Variants in ALK observed in about 807,000 individuals in gnomAD.
ALK encodes the protein ALK tyrosine kinase receptor.
In ALK, 74 loss-of-function variants were observed where a neutral mutation model predicts 163.1. That is an observed-to-expected ratio of 0.45 (90% CI 0.38 to 0.55). ALK has a LOEUF of 0.55. Among genes scored for constraint, ALK ranks in the 20% least tolerant of loss-of-function variants. The pLI is 0.00. For synonymous variants in ALK, 960 were observed against 843.2 expected, an observed-to-expected ratio of 1.14 and a Z score of -2.40; for missense variants, 2,063 against 2,105.3, an observed-to-expected ratio of 0.98 and a Z score of 0.39.
intron 26 of ALK, among the ~76,000 whole-genome samples, chr2:29,200,770 T>TATATATAC (rs1669149492): frequency 1.1e-5 from 1 of 94,402 alleles, no homozygotes; most frequent in African/African-American, 4.2e-5. Context: ...TGTATATATA[T>TATATATAC]ACGTATATAT....
intron 1 of ALK, among the ~76,000 whole-genome samples, chr2:29,802,814 G>T (rs566027471): frequency 1.3e-4 from 19 of 149,278 alleles, no homozygotes; most frequent in South Asian, 1.1e-3. Flanking sequence ...ATCAGTTGTG[G>T]TTTATAATAA....
intron 4 of ALK, among the ~76,000 whole-genome samples, chr2:29,392,521 C>G (rs906171387): frequency 6.6e-6 from 1 of 152,140 alleles, no homozygotes; most frequent in Non-Finnish European, 1.5e-5. Context: ...CTACCTTATT[C>G]CTTTTCTACT....
chr2:29,823,208 G>A (rs1390202496), intron 1 of ALK, among the ~76,000 whole-genome samples: 3 of 152,130 alleles, frequency 2.0e-5, no homozygotes, highest in Non-Finnish European at 4.4e-5. Context: ...CTTGCCTTCT[G>A]CCATGATTGT....
intron 5 of ALK, among the ~76,000 whole-genome samples, chr2:29,370,096 G>A (rs1468971576): frequency 6.6e-6 from 1 of 152,210 alleles, no homozygotes; most frequent in Non-Finnish European, 1.5e-5. Flanking sequence ...GTGATGGTAA[G>A]ACAAGGAGGA....
chr2:29,542,517 T>C (rs1356432117), intron 3 of ALK, among the ~76,000 whole-genome samples: 2 of 152,202 alleles, frequency 1.3e-5, no homozygotes, highest in African/African-American at 2.4e-5. Context: ...TATTTCATCT[T>C]TACATTTGGT....
intron 1 of ALK, among the ~76,000 whole-genome samples, chr2:29,720,416 C>T (rs1315889643): frequency 6.6e-6 from 1 of 152,144 alleles, no homozygotes; most frequent in Non-Finnish European, 1.5e-5. Flanking sequence ...CTTGCCCTTA[C>T]AGGAACTCCT....
intron 3 of ALK, among the ~76,000 whole-genome samples, chr2:29,599,595 C>T (rs1299952556): frequency 1.3e-5 from 2 of 152,246 alleles, no homozygotes; most frequent in African/African-American, 4.8e-5. Flanking sequence ...CCTGCCTGGA[C>T]CAGAAGGGAA....
chr2:29,376,218 A>G (rs1220628376), intron 5 of ALK, among the ~76,000 whole-genome samples: 1 of 152,188 alleles, frequency 6.6e-6, no homozygotes, highest in East Asian at 1.9e-4. Context: ...AGCTCTCCTG[A>G]CCAAAATTGG....
At chr2:29,350,463 C>T (rs544119370) in intron 5 of ALK, among the ~76,000 whole-genome samples, 1 of 152,136 alleles carries the variant, frequency 6.6e-6, no homozygotes, top group Non-Finnish European at 1.5e-5. Flanking sequence ...CTTCCATTGA[C>T]CTGAGCACCT....
At chr2:29,737,393 A>C (rs1349191150) in intron 1 of ALK, among the ~76,000 whole-genome samples, 1 of 152,122 alleles carries the variant, frequency 6.6e-6, no homozygotes, top group Non-Finnish European at 1.5e-5. Context: ...TGTTCTGGAA[A>C]ACTGCAGTTG....
intron 3 of ALK, among the ~76,000 whole-genome samples, chr2:29,557,059 C>G (rs527692434): frequency 1.1e-4 from 16 of 152,274 alleles, no homozygotes; most frequent in African/African-American, 2.9e-4. Flanking sequence ...AAACATTTGT[C>G]ACACAAATGT....
At chr2:29,537,070 G>T (rs949854711) in intron 3 of ALK, among the ~76,000 whole-genome samples, 1 of 152,216 alleles carries the variant, frequency 6.6e-6, no homozygotes, top group Non-Finnish European at 1.5e-5. Context: ...AGAGCGTAAG[G>T]GTTTGGAAAA....
intron 8 of ALK, among the ~76,000 whole-genome samples, chr2:29,306,657 G>T (rs1666517614): frequency 6.6e-6 from 1 of 152,100 alleles, no homozygotes; most frequent in Admixed American, 6.5e-5. Flanking sequence ...ACAGTCGTGT[G>T]TGTGTGTGTG....
chr2:29,592,023 G>T lies in ALK; in HGVS notation c.953-59907C>A, dbSNP rs140286167. On this transcript the variant is annotated intron_variant, in intron 3 of 28. Transcript: ENST00000389048. ...AAAGTCAAGGCTACCCACATTGAAG[G>T]CTGGGGGTATTGTCACTGGAGAACC... Among the ~76,000 whole-genome samples the T allele has an allele frequency of 5.5e-4, 83 of 152,196 alleles. 1 individual carries two copies. The highest frequency in any genetic ancestry group is 1.8e-3 in the African/African-American group (76 of 41,530).
intron 1 of ALK, among the ~76,000 whole-genome samples, chr2:29,796,476 G>T (rs1332892238): frequency 6.6e-6 from 1 of 152,168 alleles, no homozygotes; most frequent in Non-Finnish European, 1.5e-5. Context: ...TCTGAAAATT[G>T]TAATAAGAAT....
chr2:29,217,749 G>A (rs185203461), intron 23 of ALK, among the ~76,000 whole-genome samples: 37 of 152,264 alleles, frequency 2.4e-4, no homozygotes, highest in Admixed American at 2.1e-3. Flanking sequence ...CACACAGTAG[G>A]TCATCAGGGA....
intron 4 of ALK, among the ~76,000 whole-genome samples, chr2:29,503,250 C>T (rs1369637083): frequency 1.3e-5 from 2 of 152,216 alleles, no homozygotes; most frequent in Non-Finnish European, 2.9e-5. Context: ...GAAACTGAGA[C>T]ACAAGTGGTA....
chr2:29,353,938 T>C (rs1163720870), intron 5 of ALK, among the ~76,000 whole-genome samples: 1 of 152,204 alleles, frequency 6.6e-6, no homozygotes, highest in Non-Finnish European at 1.5e-5. Context: ...GGTAGGAAGA[T>C]AAATGGACAT....
At chr2:29,197,367 G>A (rs752121021) in intron 27 of ALK, among the ~76,000 whole-genome samples, 175 bp downstream of exon 27, 14 of 152,264 alleles carry the variant, frequency 9.2e-5, no homozygotes, top group Middle Eastern at 3.4e-3. Flanking sequence ...GCTTTTGAGG[G>A]CCTGGGAGAC....
Sources: allele counts gnomAD v4.1 joint callset (sites outside exome capture counted in the v4.1 genomes callset), GRCh38; gene constraint gnomAD v4.1.1; transcripts MANE v1.5; gene names NCBI Gene and HGNC (gene_info 2026-07-23, HGNC 2026-07-21).